Variants in CCDC148 observed in about 807,000 individuals in gnomAD.
CCDC148 encodes the protein coiled-coil domain-containing protein 148.
A neutral mutation model predicts 85.7 loss-of-function variants in CCDC148; 89 were observed. The ratio of observed to expected loss-of-function variants is 1.04; its 90% confidence interval spans 0.87 to 1.24. CCDC148 has a LOEUF of 1.24. CCDC148 is among the 50% of genes most tolerant of loss of function. The pLI is 0.00. For missense variants in CCDC148, 692 were observed against 671.7 expected, an observed-to-expected ratio of 1.03 and a Z score of -0.33; for synonymous variants, 230 against 213.9, an observed-to-expected ratio of 1.08 and a Z score of -0.66.
chr2:158,394,488 T>C (rs1685443555), intron 1 of CCDC148, among the ~76,000 whole-genome samples: 1 of 152,070 alleles, frequency 6.6e-6, no homozygotes, highest in African/African-American at 2.4e-5. Flanking sequence ...AGTAAACATT[T>C]AGGGCTGTTT....
intron 1 of CCDC148, among the ~76,000 whole-genome samples, chr2:158,382,367 G>A (rs558853192): frequency 9.2e-5 from 14 of 152,152 alleles, no homozygotes; most frequent in Non-Finnish European, 2.1e-4. Flanking sequence ...AGGGCTGAGA[G>A]GGAAAGTGAG....
chr2:158,300,826 G>A (rs888440847), intron 9 of CCDC148, among the ~76,000 whole-genome samples: 44 of 152,130 alleles, frequency 2.9e-4, no homozygotes, highest in Non-Finnish European at 1.0e-4. Flanking sequence ...AAATGAGATG[G>A]TATCATTAGG....
At chr2:158,290,890 T>C (rs1175939863) in intron 9 of CCDC148, among the ~76,000 whole-genome samples, 2 of 152,122 alleles carry the variant, frequency 1.3e-5, no homozygotes, top group East Asian at 3.9e-4. Flanking sequence ...TTTCATTTCT[T>C]TCAATTCTTT....
At chr2:158,348,994 C>A (rs1683130736) in intron 2 of CCDC148, among the ~76,000 whole-genome samples, 1 of 152,002 alleles carries the variant, frequency 6.6e-6, no homozygotes, top group South Asian at 2.1e-4. Context: ...TATTATTTGT[C>A]TTCAGGTTCA....
chr2:158,358,389 T>C (rs13394731), intron 2 of CCDC148, 60 bp downstream of exon 2: 154,597 of 1,566,458 alleles, frequency 0.099, 12,316 homozygotes, highest in African/African-American at 0.41. Context: ...ACAATGTAAA[T>C]ACTTTCCAGC....
At chr2:158,445,809 GA>G (rs147889251) in intron 1 of CCDC148, among the ~76,000 whole-genome samples, 1 of 151,710 alleles carries the variant, frequency 6.6e-6, no homozygotes, top group Non-Finnish European at 1.5e-5. Context: ...ATAAGTACAA[GA>G]AAAAATATAG....
At chr2:158,230,842 T>C (rs773982726) in intron 10 of CCDC148, among the ~76,000 whole-genome samples, 7 of 152,082 alleles carry the variant, frequency 4.6e-5, no homozygotes, top group Non-Finnish European at 1.0e-4. Flanking sequence ...CATTGAAAGA[T>C]TCCAAGAGGG....
intron 1 of CCDC148, among the ~76,000 whole-genome samples, chr2:158,427,598 G>A (rs908569163): frequency 1.3e-5 from 2 of 152,052 alleles, no homozygotes; most frequent in African/African-American, 4.8e-5. Flanking sequence ...AACCAGGTAT[G>A]GTGGCTCATA....
Position 158,449,942 on chromosome 2 carries a change from G to A in CCDC148, c.25+6473C>T, listed in dbSNP as rs190728858. Among the ~76,000 whole-genome samples, 470 of 151,858 alleles carry A rather than the reference G, an allele frequency of 3.1e-3. 4 individuals carry two copies. Among genetic ancestry groups the A allele is most frequent in the African/African-American group, 0.011 (446 of 41,426 alleles). ...TATGTTGAGCATTTTACCGTGAATC[G>A]GTGTTGTATCTTGTCAATTGCTTTT... On this transcript the variant is annotated intron_variant, in intron 1 of 13. Transcript: ENST00000283233.
intron 7 of CCDC148, among the ~76,000 whole-genome samples, chr2:158,332,585 T>C (rs1419801375): frequency 1.3e-5 from 2 of 151,350 alleles, no homozygotes; most frequent in South Asian, 2.1e-4. Context: ...TTTCTATTAT[T>C]TGGAATAGTT....
chr2:158,429,829 A>G (rs1257585530), intron 1 of CCDC148, among the ~76,000 whole-genome samples: 1 of 152,202 alleles, frequency 6.6e-6, no homozygotes, highest in East Asian at 1.9e-4. Context: ...AAAATGAAAC[A>G]AGTTGGGTGG....
At chr2:158,278,778 T>C (rs1224291741) in intron 9 of CCDC148, among the ~76,000 whole-genome samples, 2 of 152,208 alleles carry the variant, frequency 1.3e-5, no homozygotes, top group East Asian at 1.9e-4. Flanking sequence ...AGAGCAGTGG[T>C]TCTCCCAGCA....
At chr2:158,242,414 C>A (rs552274672) in intron 10 of CCDC148, among the ~76,000 whole-genome samples, 1 of 152,230 alleles carries the variant, frequency 6.6e-6, no homozygotes, top group South Asian at 2.1e-4. Context: ...CATGCATTTT[C>A]TTATCATACA....
intron 1 of CCDC148, among the ~76,000 whole-genome samples, chr2:158,440,395 A>G (rs79718786): frequency 0.049 from 7,417 of 152,194 alleles, 316 homozygotes; most frequent in African/African-American, 0.11. Flanking sequence ...TACATTACTC[A>G]TAATAACCAA....
intron 11 of CCDC148, among the ~76,000 whole-genome samples, chr2:158,179,907 C>T (rs547074478): frequency 1.3e-5 from 2 of 152,234 alleles, no homozygotes; most frequent in South Asian, 2.1e-4. Context: ...TTAAAATCAT[C>T]GGCTATTAAA....
At chr2:158,296,609 C>T (rs1374842951) in intron 9 of CCDC148, among the ~76,000 whole-genome samples, 1 of 152,138 alleles carries the variant, frequency 6.6e-6, no homozygotes, top group Non-Finnish European at 1.5e-5. Flanking sequence ...GACCAAGTAT[C>T]CTCATTTGCA....
chr2:158,448,461 C>G (rs1324301409), intron 1 of CCDC148, among the ~76,000 whole-genome samples: 2 of 152,002 alleles, frequency 1.3e-5, no homozygotes, highest in Admixed American at 6.6e-5. Flanking sequence ...CATCCTCCCA[C>G]CTCAGACCCC....
At chr2:158,431,067 C>T (rs1469890298) in intron 1 of CCDC148, among the ~76,000 whole-genome samples, 1 of 151,140 alleles carries the variant, frequency 6.6e-6, no homozygotes, top group African/African-American at 2.4e-5. Context: ...AAAAAATTAA[C>T]AGAACCTCAA....
At chr2:158,211,449 T>C (rs1279292057) in intron 11 of CCDC148, among the ~76,000 whole-genome samples, 2 of 152,216 alleles carry the variant, frequency 1.3e-5, no homozygotes, top group East Asian at 3.8e-4. Context: ...AAAAAACATA[T>C]TCTAAAGTAT....
Sources: gnomAD v4.1 joint callset for allele counts (sites outside exome capture counted in the v4.1 genomes callset) on GRCh38, gnomAD v4.1.1 for gene constraint, MANE v1.5 for transcripts, NCBI Gene and HGNC (gene_info 2026-07-23, HGNC 2026-07-21) for gene names.